Variants in TTC23L observed in about 807,000 individuals in gnomAD.
TTC23L encodes the protein tetratricopeptide repeat domain 23 like.
In TTC23L, 42 loss-of-function variants were observed where a neutral mutation model predicts 48.1. That is an observed-to-expected ratio of 0.87 (90% CI 0.68 to 1.13). TTC23L has a LOEUF of 1.13. Ranked by LOEUF, TTC23L falls within the 50% of genes most tolerant of loss-of-function variation. The pLI, the probability that TTC23L is intolerant of heterozygous loss-of-function variation, is 0.00. For missense variants in TTC23L, 391 were observed against 421.0 expected (o/e 0.93, Z 0.62); for synonymous variants, 159 against 157.2 (o/e 1.01, Z -0.09).
the TTC23L span, chr5:34,914,545 A>T: frequency 1.3e-6 from 1 of 745,504 alleles, no homozygotes; most frequent in Non-Finnish European, 2.1e-6. Context: ...TCTCTAACTT[A>T]AGACTATTAT....
intron 9 of TTC23L, among the ~76,000 whole-genome samples, chr5:34,888,113 A>C (rs947728984): frequency 1.3e-5 from 2 of 152,212 alleles, no homozygotes; most frequent in African/African-American, 4.8e-5. Flanking sequence ...AAGAGACCTC[A>C]AAGAGCCTCC....
At chr5:34,914,214 G>A in the TTC23L span, among the ~76,000 whole-genome samples, 7 of 152,106 alleles carry the variant, frequency 4.6e-5, no homozygotes, top group East Asian at 1.2e-3. Flanking sequence ...ATAGCATATC[G>A]CAGTGGAAAA....
the TTC23L span, chr5:34,925,064 G>A: frequency 6.6e-7 from 1 of 1,506,868 alleles, no homozygotes; most frequent in Non-Finnish European, 8.9e-7. Context: ...TTTATTACCT[G>A]TGAAACTGAA....
the TTC23L span, chr5:34,913,384 C>T: frequency 4.2e-6 from 3 of 708,942 alleles, no homozygotes; most frequent in Non-Finnish European, 4.4e-6. Flanking sequence ...GCTTTCTGAA[C>T]CAATGTTTAT....
chr5:34,855,596 C>T (rs1760062335), intron 4 of TTC23L, among the ~76,000 whole-genome samples: 1 of 152,160 alleles, frequency 6.6e-6, no homozygotes, highest in Non-Finnish European at 1.5e-5. Context: ...TTATTCTTTG[C>T]AGCATCATTC....
At chr5:34,916,043 C>A in the TTC23L span, 1 of 945,140 alleles carries the variant, frequency 1.1e-6, no homozygotes, top group Non-Finnish European at 1.5e-6. Context: ...CCCGGCCAGA[C>A]TGGGCACGGA....
chr5:34,850,447 T>C, intron 4 of TTC23L, 139 bp downstream of exon 4: 2 of 944,176 alleles, frequency 2.1e-6, no homozygotes, highest in South Asian at 1.6e-5. Flanking sequence ...GGAAAGTCCA[T>C]GGATGAGGGA....
At chr5:34,862,998 G>A (rs747412266) in exon 5 of TTC23L, 1 of 1,613,976 alleles carries the variant, frequency 6.2e-7, no homozygotes, top group East Asian at 2.2e-5. Context: ...AGGAAATCCT[G>A]GAAGCTCTGG....
At chr5:34,867,433 G>T in intron 7 of TTC23L, 1 of 240,990 alleles carries the variant, frequency 4.1e-6, no homozygotes, top group Non-Finnish European at 8.2e-6. Context: ...CTTTTTAAAT[G>T]AAAAATCATG....
chr5:34,867,597 G>T, intron 7 of TTC23L: 1 of 162,018 alleles, frequency 6.2e-6, no homozygotes, highest in Admixed American at 5.9e-5. Context: ...AGGAAGGAAT[G>T]GTGAGTCTAT....
At chr5:34,877,866 C>T (rs761224658) in intron 8 of TTC23L, among the ~76,000 whole-genome samples, 6 of 152,126 alleles carry the variant, frequency 3.9e-5, no homozygotes, top group Non-Finnish European at 7.4e-5. Context: ...AAAAACTATA[C>T]TATAATATTT....
chr5:34,895,218 G>GT (rs1763136466), intron 9 of TTC23L, among the ~76,000 whole-genome samples: 1 of 152,204 alleles, frequency 6.6e-6, no homozygotes, highest in South Asian at 2.1e-4. Context: ...AGACATATCT[G>GT]TGTTTGAATC....
intron 4 of TTC23L, among the ~76,000 whole-genome samples, chr5:34,851,148 G>C (rs1759644684): frequency 6.6e-6 from 1 of 152,152 alleles, no homozygotes; most frequent in African/African-American, 2.4e-5. Flanking sequence ...ATATGGTTTG[G>C]CATATTACTG....
intron 7 of TTC23L, chr5:34,868,153 C>T (rs1181245868): frequency 6.6e-6 from 1 of 152,194 alleles, no homozygotes; most frequent in African/African-American, 2.4e-5. Flanking sequence ...ATAGCTAACT[C>T]AGCTGACATT....
chr5:34,870,629 G>A (rs868357239), intron 8 of TTC23L, among the ~76,000 whole-genome samples: 7 of 152,024 alleles, frequency 4.6e-5, no homozygotes, highest in Non-Finnish European at 8.8e-5. Flanking sequence ...ATCAAAACTG[G>A]GCAAAGACAT....
At chr5:34,866,943 G>A in exon 7 of TTC23L, 1 of 1,609,778 alleles carries the variant, frequency 6.2e-7, no homozygotes, top group Non-Finnish European at 8.5e-7. Context: ...ACTTTGAAAA[G>A]GCAATTGGCG....
At chr5:34,918,593 CT>C in the TTC23L span, 5 of 535,076 alleles carry the variant, frequency 9.3e-6, no homozygotes, top group Non-Finnish European at 1.3e-5. Context: ...AACACAATGC[CT>C]TTTATCCTTT....
intron 4 of TTC23L, among the ~76,000 whole-genome samples, chr5:34,856,103 A>G (rs1028722276): frequency 3.3e-5 from 5 of 152,296 alleles, no homozygotes; most frequent in East Asian, 1.9e-4. Flanking sequence ...GGCCCCTGAA[A>G]TTGCCATTTT....
At chr5:34,871,479 AGATT>A (rs945474625) in intron 8 of TTC23L, among the ~76,000 whole-genome samples, 2 of 152,226 alleles carry the variant, frequency 1.3e-5, no homozygotes, top group Non-Finnish European at 2.9e-5. Flanking sequence ...CAGTCTTCCA[AGATT>A]GATCTGCAGA....
Sources: gnomAD v4.1 joint callset for allele counts (sites outside exome capture counted in the v4.1 genomes callset) on GRCh38, gnomAD v4.1.1 for gene constraint, MANE v1.5 for transcripts, NCBI Gene and HGNC (gene_info 2026-07-23, HGNC 2026-07-21) for gene names.